The following HS1BP3 variants were observed in gnomAD, a reference collection of about 807,000 sequenced individuals.
HS1BP3 encodes the protein HCLS1 binding protein 3.
In HS1BP3, 32 loss-of-function variants were observed where a neutral mutation model predicts 33.5. The observed-to-expected ratio is 0.95, with a 90% CI of 0.72 to 1.28. HS1BP3 has a LOEUF of 1.28. Among genes scored for constraint, HS1BP3 ranks in the 50% most tolerant of loss-of-function variants. The probability of loss-of-function intolerance (pLI) is 0.00; values close to 1 mark genes in which losing one functional copy is unlikely to be tolerated. For missense variants in HS1BP3, 486 were observed against 502.3 expected, an observed-to-expected ratio of 0.97 and a Z score of 0.31; for synonymous variants, 187 against 209.2, an observed-to-expected ratio of 0.89 and a Z score of 0.92.
intron 5 of HS1BP3, among the ~76,000 whole-genome samples, chr2:20,570,106 C>T (rs780514768): frequency 2.0e-5 from 3 of 152,310 alleles, no homozygotes; most frequent in Non-Finnish European, 4.4e-5. Context: ...ACAAGCAATT[C>T]CAGGGCTTTT....
At chr2:20,647,051 T>C (rs191287890) in intron 1 of HS1BP3, among the ~76,000 whole-genome samples, 198 of 151,660 alleles carry the variant, frequency 1.3e-3, no homozygotes, top group African/African-American at 4.5e-3. Context: ...AGGATCATGA[T>C]GAAAACGAGG....
chr2:20,642,434 C>T (rs1444944741), intron 2 of HS1BP3, among the ~76,000 whole-genome samples: 1 of 152,236 alleles, frequency 6.6e-6, no homozygotes, highest in Non-Finnish European at 1.5e-5. Flanking sequence ...GCACAAGAGC[C>T]TGGCTCCAGA....
intron 2 of HS1BP3, 24 bp from the exon 3 acceptor site, chr2:20,641,204 T>C: frequency 6.3e-7 from 1 of 1,591,300 alleles, no homozygotes; most frequent in Non-Finnish European, 8.5e-7. Flanking sequence ...AGCATGTGGT[T>C]TCCTGAGTGA....
intron 1 of HS1BP3, among the ~76,000 whole-genome samples, chr2:20,645,952 C>T (rs1695506484): frequency 6.6e-6 from 1 of 152,198 alleles, no homozygotes; most frequent in Non-Finnish European, 1.5e-5. Flanking sequence ...CTACAGGCCC[C>T]CTGGGGGGGA....
At chr2:20,575,149 G>T (rs1436806563) in intron 5 of HS1BP3, among the ~76,000 whole-genome samples, 2 of 152,202 alleles carry the variant, frequency 1.3e-5, no homozygotes, top group Non-Finnish European at 2.9e-5. Context: ...CATTTGTTTG[G>T]ATTTCTCTGG....
chr2:20,606,540 T>C (rs919749815), intron 2 of HS1BP3: 8 of 483,054 alleles, frequency 1.7e-5, no homozygotes, highest in Admixed American at 6.9e-5. Context: ...TCCCGAACTA[T>C]GTCTTTGGAG....
In HS1BP3 at chr2:20,641,006, A is replaced by G. The variant is rs779430572; in HGVS notation, c.373T>C (p.Leu125=). ...ILRCVSKDAE[L]AGSPELLEFL... is the part of the protein sequence containing the mutation. Reference sequence around the variant, plus strand: ...TCTAGCAGCTCTGGGCTGCCTGCCAACTCGGCATCCTTGGAGACACAGCGC... The same window carrying G: ...TCTAGCAGCTCTGGGCTGCCTGCCAGCTCGGCATCCTTGGAGACACAGCGC... The change falls in exon 3 of 7, where the codon TTG becomes CTG. Residue 125 remains leucine (L), a synonymous_variant. Coordinates refer to ENST00000304031, the MANE Select transcript of HS1BP3 (RefSeq NM_022460.4). The G allele has an allele frequency of 6.2e-6, 10 of 1,614,026 alleles. No homozygotes were observed. Among genetic ancestry groups the G allele is most frequent in the South Asian group, 2.2e-5 (2 of 91,088 alleles).
intron 1 of HS1BP3, among the ~76,000 whole-genome samples, chr2:20,648,949 T>C (rs771885838): frequency 2.6e-5 from 4 of 152,184 alleles, no homozygotes; most frequent in Non-Finnish European, 5.9e-5. Context: ...TCAGCAAACC[T>C]GAAAGCTCAA....
chr2:20,598,416 G>A (rs896037112), intron 2 of HS1BP3, among the ~76,000 whole-genome samples: 1 of 152,164 alleles, frequency 6.6e-6, no homozygotes, highest in Non-Finnish European at 1.5e-5. Context: ...TCTGACAGGA[G>A]GTGAAGCTCA....
intron 5 of HS1BP3, among the ~76,000 whole-genome samples, chr2:20,586,003 G>A (rs1216571396): frequency 1.3e-5 from 2 of 148,290 alleles, no homozygotes; most frequent in Admixed American, 1.3e-4. Context: ...GCAGATTCCG[G>A]CTTTGAGCCT....
At chr2:20,612,108 T>C (rs958669478) in intron 2 of HS1BP3, among the ~76,000 whole-genome samples, 2 of 152,188 alleles carry the variant, frequency 1.3e-5, no homozygotes, top group Non-Finnish European at 2.9e-5. Context: ...TTTAGCCTTA[T>C]ACTACCCTAA....
rs142666054 is a variant in HS1BP3 at position 20,623,991 on chromosome 2, G to A, written c.825C>T (p.Ile275=). ...GCAGCAGGAGGGAGTCACCCAGGGG[G>A]ATGGCCCCGCCGAGGTCAGGATCAT... ...LFDDPDLGGA[I]PLGDSLLLPA... The change falls in exon 6 of 7, where the codon ATC becomes ATT. Residue 275 remains isoleucine (I), a synonymous_variant. Coordinates refer to ENST00000304031, the MANE Select transcript of HS1BP3 (RefSeq NM_022460.4). 6,632 of 1,612,300 alleles carry A rather than the reference G, an allele frequency of 4.1e-3. 34 individuals are homozygous for A. Among genetic ancestry groups the A allele is most frequent in the South Asian group, 0.018 (1,651 of 91,006 alleles).
intron 5 of HS1BP3, chr2:20,586,573 C>T (rs1693690523): frequency 6.6e-6 from 1 of 152,190 alleles, no homozygotes; most frequent in South Asian, 2.1e-4. Flanking sequence ...AAAGCCATTT[C>T]CCAGGAAGGA....
At chr2:20,591,921 G>T (rs1170475648), downstream of HS1BP3, among the ~76,000 whole-genome samples, 1 of 152,168 alleles carries the variant, frequency 6.6e-6, no homozygotes, top group Non-Finnish European at 1.5e-5. Context: ...TTGCATGGGG[G>T]AGGCTGTAAA....
chr2:20,578,674 G>T (rs958322459), intron 5 of HS1BP3, among the ~76,000 whole-genome samples: 2 of 152,232 alleles, frequency 1.3e-5, no homozygotes, highest in African/African-American at 4.8e-5. Context: ...TTCACTGAGG[G>T]CTGGCCATGG....
Position 20,606,753 on chromosome 2 carries a change from A to G in HS1BP3, c.179-8488T>C, listed in dbSNP as rs144376091. On this transcript the variant is annotated intron_variant, in intron 2 of 3. Transcript: ENST00000415264. ...TTCATGTGTTTGTTGTCCTTTGTAT[A>G]TTTTCTTTGAATAAATGCCTATGTA... is the stretch of plus-strand genomic sequence containing the variant. 2.1e-3 allele frequency: 428 copies of G among 205,782 alleles called. 1 individual carries two copies. The highest frequency in any genetic ancestry group is 9.3e-3 in the African/African-American group (399 of 42,988). The allele number at this position is 205,782 out of a possible 1,614,324, so 12.7% of individuals were successfully genotyped here.
At chr2:20,633,127 G>A (rs4426492) in intron 4 of HS1BP3, among the ~76,000 whole-genome samples, 16,708 of 152,228 alleles carry the variant, frequency 0.11, 933 homozygotes, top group African/African-American at 0.14. Flanking sequence ...CGCACTCAGC[G>A]TCCGCCAGCT....
At chr2:20,577,687 C>T (rs772751625) in intron 5 of HS1BP3, among the ~76,000 whole-genome samples, 11 of 152,158 alleles carry the variant, frequency 7.2e-5, no homozygotes, top group Non-Finnish European at 1.6e-4. Context: ...TGGAGGCAAG[C>T]AGAGGCCAGA....
chr2:20,643,323 G>A (rs1387086450), intron 2 of HS1BP3, among the ~76,000 whole-genome samples: 1 of 152,164 alleles, frequency 6.6e-6, no homozygotes, highest in African/African-American at 2.4e-5. Context: ...AAGTGGGCTG[G>A]GCGGCTGAAG....
Sources: allele counts gnomAD v4.1 joint callset (sites outside exome capture counted in the v4.1 genomes callset), GRCh38; gene constraint gnomAD v4.1.1; transcripts MANE v1.5; gene names NCBI Gene and HGNC (gene_info 2026-07-23, HGNC 2026-07-21).